Variants in SLC30A8 observed in about 807,000 individuals in gnomAD.
SLC30A8 encodes solute carrier family 30 member 8, also known as proton-coupled zinc antiporter SLC30A8.
Under a neutral mutation model 36.9 loss-of-function variants are expected in SLC30A8, and 27 were observed. The ratio of observed to expected loss-of-function variants is 0.73; its 90% confidence interval spans 0.54 to 1.01. SLC30A8 has a LOEUF of 1.01. Among genes scored for constraint, SLC30A8 ranks in the 50% least tolerant of loss-of-function variants. SLC30A8 has a pLI of 0.00. For synonymous variants in SLC30A8, 164 were observed against 172.4 expected (o/e 0.95, Z 0.38); for missense variants, 439 against 452.0 (o/e 0.97, Z 0.26).
rs554695944 is a variant in SLC30A8 at position 117,147,221 on chromosome 8, A to T, written c.271+68A>T. On this transcript the variant is annotated intron_variant, in intron 2 of 7. Transcript: ENST00000456015. ...AACTCTGCATCATTATGGGAGGGTT[A>T]CCTAAGTTCTTATAAAGTAAGATTT... The T allele has an allele frequency of 2.5e-5, 34 of 1,358,296 alleles. No individual in the cohort carries two copies. In the African/African-American group the frequency reaches 4.8e-4, roughly 19 times the overall value. 84.1% of individuals were successfully genotyped at this position (1,358,296 alleles called of 1,614,324 possible). A position where few individuals can be genotyped will look rare whatever the true frequency, so the allele number is the denominator to read the frequency against.
Position 117,135,392 on chromosome 8 carries a change from T to A in SLC30A8, c.65T>A (p.Leu22Gln). Residue 22 changes from leucine to glutamine, a missense_variant, in exon 1 of 8, where the codon CTA becomes CAA. Physicochemically the swap from Leu to Gln is moderately radical, Grantham distance 113 (BLOSUM62 -2). Coordinates refer to ENST00000456015, the MANE Select transcript of SLC30A8 (RefSeq NM_173851.3). Reference sequence around the variant, plus strand: ...GCTGCCAAGATGTATGCTTTCACACTAGAAAGGTAATAGATGTCTGTGTCT... The same window carrying A: ...GCTGCCAAGATGTATGCTTTCACACAAGAAAGGTAATAGATGTCTGTGTCT... ...DKAAKMYAFTLESVELQQKPV... is the reference protein window; with the variant it reads ...DKAAKMYAFTQESVELQQKPV... 6.3e-7 allele frequency: 1 copy of A among 1,594,922 alleles called. No homozygotes were observed.
At chr8:116,953,365 C>T (rs188896389) in intron 1 of SLC30A8, among the ~76,000 whole-genome samples, 72 of 152,042 alleles carry the variant, frequency 4.7e-4, no homozygotes, top group Admixed American at 1.8e-3. Context: ...CTTTCTAATA[C>T]GACTATTTTG....
rs1171851422 is a variant in SLC30A8 at position 117,175,711 on chromosome 8, G to A, written c.*3030G>A. On this transcript the variant is annotated 3_prime_UTR_variant, in exon 8 of 8. Coordinates refer to ENST00000456015, the MANE Select transcript of SLC30A8 (RefSeq NM_173851.3). ...TGTTTTTTATTATGTACAAACATGA[G>A]TGGGCACAGAATTTTAAATCATCTC... 4 of 152,094 alleles carry A rather than the reference G, an allele frequency of 2.6e-5. No homozygotes were observed. Among genetic ancestry groups the A allele is most frequent in the African/African-American group, 9.7e-5 (4 of 41,440 alleles). 9.4% of individuals were successfully genotyped at this position (152,094 alleles called of 1,614,324 possible).
At chr8:117,070,715 T>C (rs1818305385) in intron 2 of SLC30A8, among the ~76,000 whole-genome samples, 1 of 152,196 alleles carries the variant, frequency 6.6e-6, no homozygotes, top group Non-Finnish European at 1.5e-5. Context: ...TTTGTACTCT[T>C]TGATCAGCAA....
intron 1 of SLC30A8, among the ~76,000 whole-genome samples, chr8:116,974,582 G>A (rs950960203): frequency 2.6e-5 from 4 of 152,212 alleles, no homozygotes; most frequent in African/African-American, 9.6e-5. Context: ...TTTTTACACT[G>A]TTGGTGGGAG....
At chr8:117,103,477 C>CTTTG (rs61326196) in intron 2 of SLC30A8, among the ~76,000 whole-genome samples, 40,652 of 151,290 alleles carry the variant, frequency 0.27, 6,359 homozygotes, top group African/African-American at 0.44. Flanking sequence ...GGGTAACATA[C>CTTTG]TTTGTTTGTT....
intron 4 of SLC30A8, among the ~76,000 whole-genome samples, chr8:117,160,457 G>A (rs78662529): frequency 0.036 from 5,377 of 149,976 alleles, 143 homozygotes; most frequent in South Asian, 0.065. Context: ...GCGCGCGGTG[G>A]GGGAGTGGGG....
chr8:117,001,489 A>G (rs1298100050), intron 1 of SLC30A8, among the ~76,000 whole-genome samples: 3 of 152,100 alleles, frequency 2.0e-5, no homozygotes, highest in Admixed American at 6.5e-5. Context: ...GGGTTTTTCT[A>G]TGACTTGTGA....
intron 2 of SLC30A8, among the ~76,000 whole-genome samples, chr8:117,122,416 G>A (rs1373830507): frequency 1.3e-5 from 2 of 151,974 alleles, no homozygotes; most frequent in African/African-American, 2.4e-5. Flanking sequence ...TAAGGAAACT[G>A]ATTAAATCAC....
At chr8:116,965,464 A>G (rs1169635782) in intron 1 of SLC30A8, among the ~76,000 whole-genome samples, 2 of 152,222 alleles carry the variant, frequency 1.3e-5, no homozygotes, top group Non-Finnish European at 2.9e-5. Context: ...GATACATTGG[A>G]CTATTTTAAA....
chr8:116,955,500 T>G (rs182349152), intron 1 of SLC30A8, among the ~76,000 whole-genome samples: 87 of 151,822 alleles, frequency 5.7e-4, no homozygotes, highest in Non-Finnish European at 1.1e-3. Flanking sequence ...GAGGCTGAGG[T>G]GGGTGGATCA....
At chr8:117,091,926 C>G (rs1819145603) in intron 2 of SLC30A8, among the ~76,000 whole-genome samples, 1 of 152,152 alleles carries the variant, frequency 6.6e-6, no homozygotes, top group Non-Finnish European at 1.5e-5. Context: ...CACTATGATT[C>G]TTAGGGACAG....
intron 2 of SLC30A8, among the ~76,000 whole-genome samples, chr8:117,044,022 T>C (rs1013549648): frequency 5.9e-5 from 9 of 152,182 alleles, no homozygotes; most frequent in African/African-American, 2.2e-4. Flanking sequence ...TATTATATAG[T>C]GTTGGAAGAA....
chr8:117,010,909 A>G (rs965347315), intron 1 of SLC30A8, among the ~76,000 whole-genome samples: 1 of 152,174 alleles, frequency 6.6e-6, no homozygotes, highest in Non-Finnish European at 1.5e-5. Flanking sequence ...GGATGGTGCT[A>G]AACCATTAGA....
intron 2 of SLC30A8, among the ~76,000 whole-genome samples, chr8:117,045,980 T>A (rs1271016592): frequency 3.3e-5 from 5 of 151,232 alleles, no homozygotes; most frequent in African/African-American, 9.8e-5. Context: ...GAAGAAAATA[T>A]CCCATAGAAT....
At chr8:117,160,985 G>A (rs1563635567) in intron 4 of SLC30A8, among the ~76,000 whole-genome samples, 1 of 152,166 alleles carries the variant, frequency 6.6e-6, no homozygotes, top group Non-Finnish European at 1.5e-5. Flanking sequence ...CTAATTTTAC[G>A]TTTAGTCTAA....
chr8:117,059,315 A>G (rs1451392707), intron 2 of SLC30A8, among the ~76,000 whole-genome samples: 1 of 152,228 alleles, frequency 6.6e-6, no homozygotes, highest in East Asian at 1.9e-4. Flanking sequence ...CAGCATGTAT[A>G]TAGGCAGGAA....
At chr8:116,970,442 T>C (rs1814754318) in intron 1 of SLC30A8, among the ~76,000 whole-genome samples, 2 of 152,224 alleles carry the variant, frequency 1.3e-5, no homozygotes, top group Admixed American at 1.3e-4. Flanking sequence ...CATAAACCAA[T>C]AACATAGTCC....
intron 1 of SLC30A8, among the ~76,000 whole-genome samples, chr8:117,002,437 A>G (rs2047964): frequency 0.36 from 54,195 of 152,002 alleles, 11,309 homozygotes; most frequent in South Asian, 0.49. Flanking sequence ...CAGATCTAAC[A>G]TTGGTTATTC....
Sources: gnomAD v4.1 joint callset for allele counts (sites outside exome capture counted in the v4.1 genomes callset) on GRCh38, gnomAD v4.1.1 for gene constraint, MANE v1.5 for transcripts, NCBI Gene and HGNC (gene_info 2026-07-23, HGNC 2026-07-21) for gene names.